EFCAB12: variants seen among roughly 807,000 people sequenced by gnomAD.
The protein encoded by EFCAB12 is EF-hand calcium binding domain 12, also known as EF-hand calcium-binding domain-containing protein 12.
A neutral mutation model predicts 53.6 loss-of-function variants in EFCAB12; 43 were observed. That is an observed-to-expected ratio of 0.80 (90% confidence interval 0.63 to 1.03). The LOEUF (loss-of-function observed/expected upper bound fraction) is 1.03, where lower values mean the gene tolerates loss of function less well. EFCAB12 is among the 50% of genes least tolerant of loss of function. EFCAB12 has a pLI of 0.00. For synonymous variants in EFCAB12, 269 were observed against 289.2 expected (o/e 0.93, Z 0.71); for missense variants, 646 against 730.6 (o/e 0.88, Z 1.34).
chr3:129,415,131 CA>C, intron 4 of EFCAB12, 113 bp downstream of exon 4: 1 of 1,349,996 alleles, frequency 7.4e-7, no homozygotes. Context: ...CACAGTCGGC[CA>C]AAACTGGGGA....
intron 1 of EFCAB12, among the ~76,000 whole-genome samples, chr3:129,423,634 T>A (rs9872391): frequency 0.064 from 9,710 of 151,908 alleles, 930 homozygotes; most frequent in East Asian, 0.44. Context: ...CAAAAAAATT[T>A]AAAAAAATCA....
chr3:129,420,150 G>A (rs2072170578), intron 2 of EFCAB12, among the ~76,000 whole-genome samples: 1 of 152,146 alleles, frequency 6.6e-6, no homozygotes. Flanking sequence ...TAACAGCAAG[G>A]ACTGACCCTG....
intron 1 of EFCAB12, among the ~76,000 whole-genome samples, chr3:129,425,837 A>C (rs1325782918): frequency 6.6e-6 from 1 of 152,238 alleles, no homozygotes; most frequent in Non-Finnish European, 1.5e-5. Flanking sequence ...CCACTGGCAG[A>C]CTTTGCCTCT....
chr3:129,412,451 T>C (rs1482081697), intron 4 of EFCAB12: 2 of 140,796 alleles, frequency 1.4e-5, no homozygotes, highest in Non-Finnish European at 3.0e-5. Context: ...GATAGATAGA[T>C]AGATAGATAG....
intron 4 of EFCAB12, chr3:129,411,627 T>C (rs574051074): frequency 3.0e-6 from 1 of 335,608 alleles, no homozygotes; most frequent in Non-Finnish European, 5.4e-6. Flanking sequence ...AAGCAGCAAA[T>C]AGGATCTTTA....
chr3:129,426,670 C>CT (rs981696273), intron 1 of EFCAB12, among the ~76,000 whole-genome samples: 1 of 149,936 alleles, frequency 6.7e-6, no homozygotes, highest in African/African-American at 2.5e-5. Flanking sequence ...GGCCGGGGAT[C>CT]TTTTTTTATT....
intron 4 of EFCAB12, chr3:129,412,475 T>TAGATAGATAGATAGACAGAC (rs1443719392): frequency 7.6e-6 from 1 of 130,952 alleles, no homozygotes; most frequent in East Asian, 2.1e-4. Context: ...GATAGATAGA[T>TAGATAGATAGATAGACAGAC]AGACAGACTG....
At chr3:129,428,296 C>T in intron 1 of EFCAB12, 144 bp downstream of exon 1, 2 of 1,154,504 alleles carry the variant, frequency 1.7e-6, no homozygotes, top group South Asian at 2.7e-5. Flanking sequence ...CAGAAATGTA[C>T]ATGACCTGCC....
chr3:129,404,483 T>G, intron 6 of EFCAB12, 80 bp from the exon 7 acceptor site: 1 of 1,332,058 alleles, frequency 7.5e-7, no homozygotes. Context: ...TCAGAGGAGG[T>G]GTTTTTTTTT....
intron 8 of EFCAB12, 27 bp from the exon 9 acceptor site, chr3:129,401,878 G>C: frequency 1.2e-6 from 2 of 1,603,630 alleles, no homozygotes; most frequent in Non-Finnish European, 1.7e-6. Context: ...CACAGGGATG[G>C]TTGTCATGGC....
At chr3:129,403,885 C>A (rs2107735154) in intron 7 of EFCAB12, 1 of 163,812 alleles carries the variant, frequency 6.1e-6, no homozygotes, top group East Asian at 1.7e-4. Flanking sequence ...GAAAGGGCTG[C>A]CCCCTGTTCT....
intron 1 of EFCAB12, among the ~76,000 whole-genome samples, chr3:129,425,496 C>T (rs2072260193): frequency 6.6e-6 from 1 of 151,938 alleles, no homozygotes; most frequent in African/African-American, 2.4e-5. Flanking sequence ...TCAGTTTTTG[C>T]ATTTGCTGTG....
Position 129,418,584 on chromosome 3 carries a change from T to A in EFCAB12, c.487-136A>T, listed in dbSNP as rs148370709. 12 of 689,486 alleles carry A rather than the reference T, an allele frequency of 1.7e-5. No homozygotes were observed. In the Admixed American group the frequency reaches 1.8e-4, roughly 11 times the overall value. 42.7% of individuals were successfully genotyped at this position (689,486 alleles called of 1,614,324 possible). On this transcript the variant is annotated intron_variant, in intron 2 of 8. Coordinates refer to ENST00000505956, the MANE Select transcript of EFCAB12 (RefSeq NM_207307.3). Reference sequence around the variant, plus strand: ...AGGATAGAGTACAAAGGGCACTGGGTTCAGGGCAACTGTGTTTGGCCACAA... The same window carrying A: ...AGGATAGAGTACAAAGGGCACTGGGATCAGGGCAACTGTGTTTGGCCACAA...
At chr3:129,404,458 C>T in intron 6 of EFCAB12, 55 bp from the exon 7 acceptor site, 1 of 1,508,446 alleles carries the variant, frequency 6.6e-7, no homozygotes, top group African/African-American at 1.4e-5. Flanking sequence ...CCCATCCCTC[C>T]CTAAGCCTCT....
intron 2 of EFCAB12, 132 bp from the exon 3 acceptor site, chr3:129,418,580 T>C (rs765268893): frequency 1.3e-6 from 1 of 749,380 alleles, no homozygotes; most frequent in Non-Finnish European, 1.9e-6. Flanking sequence ...CAAAGGGCAC[T>C]GGGTTCAGGG....
At chr3:129,420,053 A>G (rs981074169) in intron 2 of EFCAB12, among the ~76,000 whole-genome samples, 2 of 152,220 alleles carry the variant, frequency 1.3e-5, no homozygotes, top group Non-Finnish European at 1.5e-5. Context: ...CTGCATTTCT[A>G]ACCCAAGTCT....
At chr3:129,410,326 T>G (rs1410814439) in intron 5 of EFCAB12, among the ~76,000 whole-genome samples, 1 of 151,984 alleles carries the variant, frequency 6.6e-6, no homozygotes, top group Admixed American at 6.6e-5. Context: ...TAATTTTTTT[T>G]TTTTTTTTGA....
intron 2 of EFCAB12, 68 bp from the exon 3 acceptor site, chr3:129,418,516 C>T: frequency 7.0e-7 from 1 of 1,428,898 alleles, no homozygotes; most frequent in East Asian, 2.5e-5. Context: ...GATGCAGTCC[C>T]CAGAGTTAGG....
chr3:129,404,903 C>T (rs564909533), intron 6 of EFCAB12, among the ~76,000 whole-genome samples: 18 of 152,310 alleles, frequency 1.2e-4, no homozygotes, highest in East Asian at 5.8e-4. Flanking sequence ...GCCTCAACTT[C>T]CTGGGCTTAA....
Sources: allele counts gnomAD v4.1 joint callset (sites outside exome capture counted in the v4.1 genomes callset), GRCh38; gene constraint gnomAD v4.1.1; transcripts MANE v1.5; gene names NCBI Gene and HGNC (gene_info 2026-07-23, HGNC 2026-07-21).